The following SUPT5H variants were observed in gnomAD, a reference collection of about 807,000 sequenced individuals.
SUPT5H encodes the protein SPT5 homolog, DSIF elongation factor subunit.
A neutral mutation model predicts 142.5 loss-of-function variants in SUPT5H; 24 were observed. The observed-to-expected ratio is 0.17, with a 90% CI of 0.12 to 0.24. SUPT5H has a LOEUF of 0.24. Ranked by LOEUF, SUPT5H falls within the 10% of genes least tolerant of loss-of-function variation. The pLI is 1.00. For missense variants in SUPT5H, 893 were observed against 1,471.8 expected (o/e 0.61, Z 6.43); for synonymous variants, 546 against 553.0 (o/e 0.99, Z 0.18).
intron 2 of SUPT5H, among the ~76,000 whole-genome samples, chr19:39,451,132 G>A (rs1193086530): frequency 1.4e-5 from 2 of 147,810 alleles, no homozygotes; most frequent in African/African-American, 5.0e-5. Flanking sequence ...GCTGTGGAGC[G>A]TTCCCTAATC....
intron 10 of SUPT5H, among the ~76,000 whole-genome samples, chr19:39,463,990 T>TC (rs1327624901): frequency 6.6e-6 from 1 of 151,520 alleles, no homozygotes; most frequent in East Asian, 1.9e-4. Flanking sequence ...AGTTGCTTTT[T>TC]TTTTTTTTTT....
In SUPT5H at chr19:39,472,478, C is replaced by T; in HGVS notation, c.2020C>T (p.His674Tyr). ...GAGTCCCCGGATCAGCAGCCCCATG[C>T]ACCCCAGTGCTGGAGGTGAGAGGGG... ...PMSPRISSPM[H>Y]PSAGGQRGGF... is the part of the protein sequence containing the mutation. Residue 674 changes from histidine (H) to tyrosine (Y), a missense_variant, in exon 21 of 30, where the codon CAC becomes TAC. Physicochemically the swap from His to Tyr is moderately conservative, Grantham distance 83 (BLOSUM62 2). Coordinates refer to ENST00000432763, the MANE Select transcript of SUPT5H (RefSeq NM_001111020.3). The surrounding 1 kb of genome is among the most constrained non-coding windows in gnomAD (Gnocchi z 4.2). 6.2e-7 allele frequency: 1 copy of T among 1,614,036 alleles called. No homozygotes were observed. The highest frequency in any genetic ancestry group is 8.5e-7 in the Non-Finnish European group (1 of 1,179,972).
Position 39,466,804 on chromosome 19 carries a change from C to T in SUPT5H, c.1037+59C>T, listed in dbSNP as rs2079244634. On this transcript the variant is annotated intron_variant, in intron 13 of 29. Transcript: ENST00000432763. The surrounding 1 kb of genome is among the most constrained non-coding windows in gnomAD (Gnocchi z 4.3). ...CCCAGGGCCGGTGTGTAGAATGTGC[C>T]TTTTGCAGGTTCCTCCCCAGGGGTG... The T allele has an allele frequency of 6.4e-7, 1 of 1,565,436 alleles. No homozygotes were observed. The highest frequency in any genetic ancestry group is 8.8e-7 in the Non-Finnish European group (1 of 1,136,148).
chr19:39,455,351 T>G (rs980991461), intron 3 of SUPT5H, among the ~76,000 whole-genome samples: 1 of 151,732 alleles, frequency 6.6e-6, no homozygotes, highest in Non-Finnish European at 1.5e-5. Flanking sequence ...CATCTGAGGT[T>G]AGGAGTTCGA....
In SUPT5H at chr19:39,445,641, A is replaced by C; in HGVS notation, c.-88+4A>C. ...AGGCGGAGGTGGAGCCCGAGAGGTA[A>C]GTGCGTGTGCAGAGGTGGCAGTTCC... is the stretch of plus-strand genomic sequence containing the variant. On this transcript the variant is annotated splice_donor_region_variant and intron_variant, in intron 1 of 29. Transcript: ENST00000432763. 1.9e-6 allele frequency: 1 copy of C among 522,212 alleles called. No individual in the cohort carries two copies. The highest frequency in any genetic ancestry group is 3.5e-6 in the Non-Finnish European group (1 of 287,776). The allele number at this position is 522,212 out of a possible 1,614,324, so 32.3% of individuals were successfully genotyped here. A position where few individuals can be genotyped will look rare whatever the true frequency, so the allele number is the denominator to read the frequency against.
intron 13 of SUPT5H, chr19:39,467,396 A>G (rs1217057748): frequency 6.6e-6 from 1 of 152,286 alleles, no homozygotes; most frequent in Non-Finnish European, 1.5e-5. Flanking sequence ...AAAAAAGAAA[A>G]CAACCTCTGC....
chr19:39,472,825 T>C lies in SUPT5H; in HGVS notation c.2051T>C (p.Phe684Ser). ...HPSAGGQRGGFGSPGGGSGGM... is the reference protein window; with the variant it reads ...HPSAGGQRGGSGSPGGGSGGM... ...CAATCCCCAGGTCAGCGTGGCGGCT[T>C]TGGTAGCCCAGGTGGCGGCAGTGGT... Residue 684 changes from phenylalanine (F) to serine (S), a missense_variant, in exon 22 of 30, where the codon TTT (phenylalanine) becomes TCT (serine). Around this residue, in one of 6 missense-constraint regions of SUPT5H, gnomAD observed 35 missense variants for 29.7 expected, o/e 1.18. Transcript: ENST00000432763. The surrounding 1 kb of genome is among the most constrained non-coding windows in gnomAD (Gnocchi z 4.2). 6.2e-7 allele frequency: 1 copy of C among 1,613,200 alleles called. No homozygotes were observed. The highest frequency in any genetic ancestry group is 1.1e-5 in the South Asian group (1 of 91,006).
chr19:39,473,126 G>C lies in SUPT5H; in HGVS notation c.2258+12G>C. ...CGGCTCACCACGGTGTACGGGCGGG[G>C]CCTGGGGAGGGCCAGGGTGGGGCTT... On this transcript the variant is annotated intron_variant, in intron 23 of 29. Transcript: ENST00000432763. This position sits in a 1 kb window ranked among gnomAD's most constrained non-coding sequence, Gnocchi z 5.8. The C allele has an allele frequency of 6.2e-7, 1 of 1,612,462 alleles. No individual in the cohort carries two copies. The highest frequency in any genetic ancestry group is 1.3e-5 in the African/African-American group (1 of 75,044).
Position 39,472,729 on chromosome 19 carries a change from G to A in SUPT5H, c.2036-81G>A. 1 of 1,526,170 alleles carries A rather than the reference G, an allele frequency of 6.6e-7. No homozygotes were observed. The allele number at this position is 1,526,170 out of a possible 1,614,324, so 94.5% of individuals were successfully genotyped here. ...CTTAACCCAAGTAGGGAGGAGTCAAGCAAGTGAAGGGGACGTTCTGATGGT... is the reference window on the plus strand; with the variant it reads ...CTTAACCCAAGTAGGGAGGAGTCAAACAAGTGAAGGGGACGTTCTGATGGT... On this transcript the variant is annotated intron_variant, in intron 21 of 29. Coordinates refer to ENST00000432763, the MANE Select transcript of SUPT5H (RefSeq NM_001111020.3). This position sits in a 1 kb window ranked among gnomAD's most constrained non-coding sequence, Gnocchi z 4.2.
chr19:39,450,638 G>A (rs546953472), intron 2 of SUPT5H, among the ~76,000 whole-genome samples: 5 of 152,214 alleles, frequency 3.3e-5, no homozygotes, highest in Admixed American at 6.5e-5. Flanking sequence ...CAAATGGTCA[G>A]GTTCATGTTT....
chr19:39,454,195 A>G (rs766806321), intron 3 of SUPT5H, among the ~76,000 whole-genome samples: 205 of 152,324 alleles, frequency 1.3e-3, no homozygotes, highest in Admixed American at 5.9e-3. Context: ...ATTGTATGTA[A>G]TTGATGTAAA....
In SUPT5H at chr19:39,469,725, G is replaced by T. The variant is rs761959026; in HGVS notation, c.1374+327G>T. 3.6e-5 allele frequency: 18 copies of T among 501,138 alleles called. No individual in the cohort carries two copies. Among genetic ancestry groups the T allele is most frequent in the Admixed American group, 2.6e-4 (8 of 30,412 alleles). The allele number at this position is 501,138 out of a possible 1,614,324, so 31.0% of individuals were successfully genotyped here. A position where few individuals can be genotyped will look rare whatever the true frequency, so the allele number is the denominator to read the frequency against. ...CTTGACTTTGTTTGCTTAGAGCGGG[G>T]TGTGTGTTTGTCTGTGTCTGGTGTA... On this transcript the variant is annotated intron_variant, in intron 16 of 29. Transcript: ENST00000432763. This position sits in a 1 kb window ranked among gnomAD's most constrained non-coding sequence, Gnocchi z 5.1.
In SUPT5H at chr19:39,445,652, A is replaced by G; in HGVS notation, c.-88+15A>G. 2 of 557,852 alleles carry G rather than the reference A, an allele frequency of 3.6e-6. No individual in the cohort carries two copies. The highest frequency in any genetic ancestry group is 6.5e-6 in the Non-Finnish European group (2 of 309,370). 34.6% of individuals were successfully genotyped at this position (557,852 alleles called of 1,614,324 possible). A position where few individuals can be genotyped will look rare whatever the true frequency, so the allele number is the denominator to read the frequency against. On this transcript the variant is annotated intron_variant, in intron 1 of 29. Transcript: ENST00000432763. ...GAGCCCGAGAGGTAAGTGCGTGTGCAGAGGTGGCAGTTCCGGGCGCCGGGG... is the reference window on the plus strand; with the variant it reads ...GAGCCCGAGAGGTAAGTGCGTGTGCGGAGGTGGCAGTTCCGGGCGCCGGGG...
At chr19:39,459,111 G>T in intron 7 of SUPT5H, 38 bp downstream of exon 7, 4 of 1,613,426 alleles carry the variant, frequency 2.5e-6, no homozygotes, top group Non-Finnish European at 3.4e-6. Flanking sequence ...GCAGGGAGCA[G>T]GTGGTCCCTA....
rs2079378987 is a variant in SUPT5H at position 39,474,773 on chromosome 19, A to G, written c.3024+55A>G. ...AGGCATCCTCTCCTTGGTACCCCCTAAACTGGAGACAGACCTGTCCCCAGA... is the reference window on the plus strand; with the variant it reads ...AGGCATCCTCTCCTTGGTACCCCCTGAACTGGAGACAGACCTGTCCCCAGA... On this transcript the variant is annotated intron_variant, in intron 28 of 29. Transcript: ENST00000432763. The surrounding 1 kb of genome is among the most constrained non-coding windows in gnomAD (Gnocchi z 6.5). 6.5e-7 allele frequency: 1 copy of G among 1,541,668 alleles called. No individual in the cohort carries two copies. The highest frequency in any genetic ancestry group is 2.4e-5 in the East Asian group (1 of 41,170).
rs550413989 is a variant in SUPT5H, at chr19:39,451,064, C to T, written c.76-2292C>T. Among the ~76,000 whole-genome samples the T allele has an allele frequency of 7.4e-5, 11 of 148,726 alleles. No individual in the cohort carries two copies. In the East Asian group the frequency reaches 2.2e-3, roughly 29 times the overall value. ...TACACATTGAGTATTATCTAAAATG[C>T]TTGGGACAAGAAGTGTTTCAGATTT... On this transcript the variant is annotated intron_variant, in intron 2 of 29. Coordinates refer to ENST00000432763, the MANE Select transcript of SUPT5H (RefSeq NM_001111020.3).
At chr19:39,462,213 A>G (rs73551806) in intron 10 of SUPT5H, among the ~76,000 whole-genome samples, 2,372 of 151,830 alleles carry the variant, frequency 0.016, 53 homozygotes, top group African/African-American at 0.055. Flanking sequence ...CCAGCCTAAA[A>G]TTTAATTTTT....
chr19:39,457,523 G>A (rs771300256), intron 3 of SUPT5H, 152 bp from the exon 4 acceptor site: 4 of 1,350,956 alleles, frequency 3.0e-6, no homozygotes, highest in African/African-American at 2.9e-5. Context: ...TCTGTGGCAC[G>A]GCCCCAGACG....
At position 39,466,998 on chromosome 19, in the gene SUPT5H, G is replaced by A; in HGVS notation, c.1037+253G>A. ...AAGGCAGGAGGCTTGCTTGAGGCAA[G>A]GAGTTCGAGACCAGCCTGGGCAACA... On this transcript the variant is annotated intron_variant, in intron 13 of 29. Coordinates refer to ENST00000432763, the MANE Select transcript of SUPT5H (RefSeq NM_001111020.3). This position sits in a 1 kb window ranked among gnomAD's most constrained non-coding sequence, Gnocchi z 4.3. The A allele has an allele frequency of 2.0e-6, 1 of 498,958 alleles. No homozygotes were observed. The highest frequency in any genetic ancestry group is 3.6e-6 in the Non-Finnish European group (1 of 279,340). 30.9% of individuals were successfully genotyped at this position (498,958 alleles called of 1,614,324 possible). A position where few individuals can be genotyped will look rare whatever the true frequency, so the allele number is the denominator to read the frequency against.
Sources: allele counts gnomAD v4.1 joint callset (sites outside exome capture counted in the v4.1 genomes callset), GRCh38; gene constraint gnomAD v4.1.1; regional missense constraint gnomAD v4.1.1; non-coding constraint Gnocchi (gnomAD v3.1); transcripts MANE v1.5; gene names NCBI Gene and HGNC (gene_info 2026-07-23, HGNC 2026-07-21).